Variants in ESF1 observed in about 807,000 individuals in gnomAD.
ESF1 encodes the protein ESF1 homolog.
A neutral mutation model predicts 92.0 loss-of-function variants in ESF1; 58 were observed. The ratio of observed to expected loss-of-function variants is 0.63; its 90% CI spans 0.51 to 0.78. The LOEUF (loss-of-function observed/expected upper bound fraction) is 0.78, where lower values mean the gene tolerates loss of function less well. Ranked by LOEUF, ESF1 falls within the 30% of genes least tolerant of loss-of-function variation. The pLI is 0.00. For missense variants in ESF1, 922 were observed against 989.1 expected, an observed-to-expected ratio of 0.93 and a Z score of 0.91; for synonymous variants, 321 against 313.7, an observed-to-expected ratio of 1.02 and a Z score of -0.24.
chr20:13,717,334 G>A (rs950892625), intron 13 of ESF1, 34 bp downstream of exon 13: 1 of 1,609,100 alleles, frequency 6.2e-7, no homozygotes. Flanking sequence ...TTCAATTCCA[G>A]CTTTAAGAGG....
Position 13,771,663 on chromosome 20 carries a change from AC to A in ESF1, c.1251-181del, listed in dbSNP as rs1442083576. On this transcript the variant is annotated intron_variant, in intron 5 of 13. Coordinates refer to ENST00000617257, the MANE Select transcript of ESF1 (RefSeq NM_001276380.2). ...TACTTAAGCTCAACTTATTATTCTC[AC>A]AAGGTACAGATATTTGGATTGGAAT... Among the ~76,000 whole-genome samples, 6 of 152,276 alleles carry A rather than the reference AC, an allele frequency of 3.9e-5. No homozygotes were observed. In the East Asian group the frequency reaches 1.2e-3, roughly 29 times the overall value.
chr20:13,755,479 T>C (rs1164221063), intron 9 of ESF1, among the ~76,000 whole-genome samples: 1 of 152,210 alleles, frequency 6.6e-6, no homozygotes, highest in Non-Finnish European at 1.5e-5. Flanking sequence ...GTATTAGAAA[T>C]TCCTCAACGA....
chr20:13,724,563 T>C (rs1352419088), intron 11 of ESF1, among the ~76,000 whole-genome samples: 2 of 152,226 alleles, frequency 1.3e-5, no homozygotes, highest in African/African-American at 4.8e-5. Context: ...TTCTGGATAC[T>C]GTTAAGCACA....
At chr20:13,734,121 A>T (rs1390822864) in intron 9 of ESF1, among the ~76,000 whole-genome samples, 1 of 152,200 alleles carries the variant, frequency 6.6e-6, no homozygotes, top group Non-Finnish European at 1.5e-5. Flanking sequence ...TCAAGCCACT[A>T]AAGAAAAATA....
In ESF1 at chr20:13,776,033, T is replaced by C. The variant is rs113298930; in HGVS notation, c.875A>G (p.Asp292Gly). The change falls in exon 3 of 14, where the codon GAT (aspartate) becomes GGT (glycine). Residue 292 changes from aspartate (D) to glycine (G), a missense_variant. Transcript: ENST00000617257. ...AGGGCCACTGTCACTTTTATCATCA[T>C]CCTCACTATCCTCATCTTCATCCTC... ...EEEDEDEDSE[D>G]DDKSDSGPDL... The C allele has an allele frequency of 2.4e-5, 39 of 1,613,980 alleles. 1 individual carries two copies. The African/African-American group carries it at 3.3e-4, about 14-fold the overall frequency.
chr20:13,722,376 TG>T (rs2049873824), intron 11 of ESF1, among the ~76,000 whole-genome samples: 1 of 152,248 alleles, frequency 6.6e-6, no homozygotes, highest in African/African-American at 2.4e-5. Flanking sequence ...TGCATACAGA[TG>T]ATTTCTGCAC....
intron 8 of ESF1, among the ~76,000 whole-genome samples, chr20:13,761,877 T>C (rs1979216010): frequency 6.6e-6 from 1 of 152,214 alleles, no homozygotes; most frequent in African/African-American, 2.4e-5. Flanking sequence ...TGGGTTTTAA[T>C]GCAAAACATA....
chr20:13,747,453 TGAGGCA>T (rs1211603588), intron 9 of ESF1, among the ~76,000 whole-genome samples: 1 of 151,790 alleles, frequency 6.6e-6, no homozygotes, highest in Non-Finnish European at 1.5e-5. Flanking sequence ...CAGCTACTCG[TGAGGCA>T]GAGGCAGAGG....
rs758982975 is a variant in ESF1, at chr20:13,775,883, C to T, written c.1025G>A (p.Arg342His). The change falls in exon 3 of 14, where the codon CGT (arginine) becomes CAT (histidine). Residue 342 changes from arginine (R) to histidine (H), a missense_variant. By Grantham distance (29) the Arg-to-His change is conservative. Transcript: ENST00000617257. The stretch of plus-strand genomic sequence containing the variant: ...TATTCAAAAGGTTACCTCATCAGCA[C>T]GAGGAGCATCTTTATCTAATTCTCT... ...AWRELDKDAPRADEITRRLAV... is the reference protein window; with the variant it reads ...AWRELDKDAPHADEITRRLAV... 8.7e-6 allele frequency: 14 copies of T among 1,604,082 alleles called. No individual in the cohort carries two copies. The highest frequency in any genetic ancestry group is 2.7e-5 in the African/African-American group (2 of 74,616).
chr20:13,731,132 C>T (rs76637665), intron 10 of ESF1, among the ~76,000 whole-genome samples: 2,392 of 152,160 alleles, frequency 0.016, 71 homozygotes, highest in African/African-American at 0.055. Flanking sequence ...AGCACAAACT[C>T]GAAGCTCCCA....
intron 9 of ESF1, among the ~76,000 whole-genome samples, chr20:13,734,592 G>A (rs1211880851): frequency 2.0e-5 from 3 of 152,114 alleles, no homozygotes; most frequent in Non-Finnish European, 4.4e-5. Context: ...GTAACAAGGT[G>A]GGAGAAAAAG....
At chr20:13,776,415 T>C in intron 2 of ESF1, 145 bp from the exon 3 acceptor site, 1 of 775,802 alleles carries the variant, frequency 1.3e-6, no homozygotes, top group Non-Finnish European at 2.0e-6. Flanking sequence ...AAATGCTTAG[T>C]CAATTTTTAT....
intron 9 of ESF1, among the ~76,000 whole-genome samples, chr20:13,745,949 G>A (rs1046352955): frequency 2.0e-5 from 3 of 152,062 alleles, no homozygotes; most frequent in Non-Finnish European, 2.9e-5. Flanking sequence ...TAATGTCTGT[G>A]GCTGTATGTG....
chr20:13,773,261 C>CT (rs1173663381), intron 4 of ESF1, among the ~76,000 whole-genome samples: 2 of 152,108 alleles, frequency 1.3e-5, no homozygotes, highest in Admixed American at 1.3e-4. Context: ...TGAACACATG[C>CT]TTTTTTAAAC....
At chr20:13,753,934 T>C (rs1978757627) in intron 9 of ESF1, among the ~76,000 whole-genome samples, 1 of 152,222 alleles carries the variant, frequency 6.6e-6, no homozygotes, top group Non-Finnish European at 1.5e-5. Context: ...TTAATCTCTC[T>C]AGTAGTCTGA....
intron 1 of ESF1, among the ~76,000 whole-genome samples, chr20:13,783,684 G>A (rs1351389098): frequency 6.6e-6 from 1 of 152,230 alleles, no homozygotes; most frequent in Admixed American, 6.5e-5. Context: ...GCATGGTGGC[G>A]CGCGCCTGTA....
In ESF1 at chr20:13,758,680, C is replaced by T. The variant is rs553776383; in HGVS notation, c.1828+1012G>A. ...CTACAACTGGTTAGTACTCTTTCTC[C>T]TAGTGACTAATATAGGCTAAAGAAC... On this transcript the variant is annotated intron_variant, in intron 9 of 13. Coordinates refer to ENST00000617257, the MANE Select transcript of ESF1 (RefSeq NM_001276380.2). 2.0e-5 allele frequency among the ~76,000 whole-genome samples: 3 copies of T among 152,274 alleles called. No individual in the cohort carries two copies. In the East Asian group the frequency reaches 5.8e-4, roughly 29 times the overall value.
At chr20:13,779,066 C>G (rs987019314) in intron 2 of ESF1, among the ~76,000 whole-genome samples, 1 of 151,788 alleles carries the variant, frequency 6.6e-6, no homozygotes, top group East Asian at 1.9e-4. Context: ...AATAAAAAAC[C>G]CCAAAAAGTA....
rs1428755510 is a variant in ESF1 at position 13,776,016 on chromosome 20, T to C, written c.892A>G (p.Ser298Gly). 4 of 1,613,962 alleles carry C rather than the reference T, an allele frequency of 2.5e-6. 1 individual carries two copies. In the South Asian group the frequency reaches 4.4e-5, roughly 18 times the overall value. ...EDSEDDDKSD[S>G]GPDLARGKGN... ...TTACCCCTTGCAAGATCAGGGCCAC[T>C]GTCACTTTTATCATCATCCTCACTA... is the stretch of plus-strand genomic sequence containing the variant. The change falls in exon 3 of 14, where the codon AGT (serine) becomes GGT (glycine). Residue 298 changes from serine (S) to glycine (G), a missense_variant. Transcript: ENST00000617257.
Sources: allele counts gnomAD v4.1 joint callset (sites outside exome capture counted in the v4.1 genomes callset), GRCh38; gene constraint gnomAD v4.1.1; transcripts MANE v1.5; gene names NCBI Gene and HGNC (gene_info 2026-07-23, HGNC 2026-07-21).